Variants in MPP3 observed in about 807,000 individuals in gnomAD.
The protein encoded by MPP3 is MAGUK p55 subfamily member 3.
Under a neutral mutation model 80.7 loss-of-function variants are expected in MPP3, and 48 were observed. The observed-to-expected ratio is 0.59, with a 90% CI of 0.47 to 0.76. The LOEUF (loss-of-function observed/expected upper bound fraction) is 0.76, where lower values mean the gene tolerates loss of function less well. MPP3 is among the 30% of genes least tolerant of loss of function. The probability of loss-of-function intolerance (pLI) is 0.00; values close to 1 mark genes in which losing one functional copy is unlikely to be tolerated. For missense variants in MPP3, 620 were observed against 763.0 expected (o/e 0.81, Z 2.21); for synonymous variants, 311 against 297.6 (o/e 1.04, Z -0.46).
chr17:43,814,295 A>G lies in MPP3; in HGVS notation c.1076T>C (p.Met359Thr). The G allele has an allele frequency of 6.2e-7, 1 of 1,612,444 alleles. No individual in the cohort carries two copies. The highest frequency in any genetic ancestry group is 8.5e-7 in the Non-Finnish European group (1 of 1,179,962). ...ERLGGSQEGK[M>T]SSGAESPELL... ...CTCCGGAGACTCAGCTCCGGAGGACATCTTTCCTTCCTGCGAGCCACCCAG... is the reference window on the plus strand; with the variant it reads ...CTCCGGAGACTCAGCTCCGGAGGACGTCTTTCCTTCCTGCGAGCCACCCAG... Residue 359 changes from methionine to threonine, a missense_variant, in exon 15 of 20, where the codon ATG becomes ACG. Transcript: ENST00000398389.
chr17:43,801,858 ATC>A lies in MPP3; in HGVS notation c.1599_1600del (p.Glu533AspfsTer49). 1.2e-6 allele frequency: 2 copies of A among 1,612,978 alleles called. No individual in the cohort carries two copies. Among genetic ancestry groups the A allele is most frequent in the Non-Finnish European group, 1.7e-6 (2 of 1,179,682 alleles). Reference sequence around the variant, plus strand: ...GTCTATGAAGGCGGCAGAAGCGGCCATCTCTTGCTGCTGCTCATCCTGCAAGG... The same window carrying A: ...GTCTATGAAGGCGGCAGAAGCGGCCATCTTGCTGCTGCTCATCCTGCAAGG... On this transcript the variant is annotated frameshift_variant, in exon 20 of 20. Transcript: ENST00000398389. LOFTEE classifies it high-confidence loss of function.
chr17:43,809,159 G>A, intron 18 of MPP3, 81 bp from the exon 19 acceptor site: 1 of 1,422,130 alleles, frequency 7.0e-7, no homozygotes, highest in Non-Finnish European at 9.4e-7. Context: ...CAATAATCGT[G>A]TGCTTCAATA....
intron 19 of MPP3, among the ~76,000 whole-genome samples, chr17:43,803,047 G>A (rs1222949733): frequency 1.3e-5 from 2 of 152,114 alleles, no homozygotes; most frequent in South Asian, 2.1e-4. Flanking sequence ...GAAAAAATTC[G>A]ATTAAATTGG....
chr17:43,801,751 C>G lies in MPP3; in HGVS notation c.1708G>C (p.Glu570Gln). 3 of 1,614,146 alleles carry G rather than the reference C, an allele frequency of 1.9e-6. No individual in the cohort carries two copies. The highest frequency in any genetic ancestry group is 2.5e-6 in the Non-Finnish European group (3 of 1,180,012). ...GAYSQLKVVL[E>Q]KLSKDTHWVP... is the part of the protein sequence containing the mutation. ...CAGTGAGTGTCCTTGCTCAGCTTCT[C>G]TAAGACCACTTTGAGCTGGCTGTAG... The change falls in exon 20 of 20, where the codon GAG becomes CAG. Residue 570 changes from glutamate to glutamine, a missense_variant. By Grantham distance (29) the Glu-to-Gln change is conservative. Transcript: ENST00000398389.
chr17:43,802,934 G>A (rs570009040), intron 19 of MPP3, among the ~76,000 whole-genome samples: 31 of 152,142 alleles, frequency 2.0e-4, no homozygotes, highest in African/African-American at 7.0e-4. Flanking sequence ...TTCAGGATTC[G>A]AGTCCTCAAG....
At chr17:43,817,996 G>C in intron 12 of MPP3, 50 bp downstream of exon 12, 2 of 1,492,830 alleles carry the variant, frequency 1.3e-6, no homozygotes, top group Non-Finnish European at 1.8e-6. Flanking sequence ...ATCCTCCCTC[G>C]CCCTAACCCC....
chr17:43,826,440 G>T (rs921990757), intron 8 of MPP3, among the ~76,000 whole-genome samples: 9 of 152,196 alleles, frequency 5.9e-5, no homozygotes, highest in Non-Finnish European at 1.3e-4. Flanking sequence ...TGCTGAATCA[G>T]TCTGCATTTT....
intron 14 of MPP3, chr17:43,814,734 G>A (rs1360060751): frequency 5.7e-6 from 1 of 176,748 alleles, no homozygotes; most frequent in Non-Finnish European, 1.2e-5. Context: ...GACATGATGG[G>A]GACAATTGTT....
intron 19 of MPP3, among the ~76,000 whole-genome samples, chr17:43,807,799 AT>A (rs1288833864): frequency 6.6e-6 from 1 of 151,826 alleles, no homozygotes; most frequent in African/African-American, 2.4e-5. Flanking sequence ...CTATAAAAAA[AT>A]TTTTTTTAAT....
intron 16 of MPP3, 40 bp downstream of exon 16, chr17:43,813,971 G>A: frequency 6.8e-7 from 1 of 1,470,550 alleles, no homozygotes. Flanking sequence ...ATATTTGTGT[G>A]TGTGCAGACA....
intron 8 of MPP3, among the ~76,000 whole-genome samples, chr17:43,827,478 C>T (rs562398386): frequency 6.6e-6 from 1 of 152,148 alleles, no homozygotes; most frequent in East Asian, 1.9e-4. Context: ...TGGTCTGGAA[C>T]TCCTGGCTTC....
intron 18 of MPP3, among the ~76,000 whole-genome samples, chr17:43,810,576 C>T (rs1367393212): frequency 6.6e-6 from 1 of 152,160 alleles, no homozygotes; most frequent in African/African-American, 2.4e-5. Flanking sequence ...GTCTGTGGGC[C>T]ACCAGAGTGT....
Position 43,801,771 on chromosome 17 carries a change from C to G in MPP3, c.1688G>C (p.Ser563Thr). 6.2e-7 allele frequency: 1 copy of G among 1,614,126 alleles called. No homozygotes were observed. ...LVKEDLQGAY[S>T]QLKVVLEKLS... is the part of the protein sequence containing the mutation. ...CTTCTCTAAGACCACTTTGAGCTGG[C>G]TGTAGGCACCCTGGAGATCCTCCTT... Residue 563 changes from serine to threonine, a missense_variant, in exon 20 of 20, where the codon AGC (serine) becomes ACC (threonine). Coordinates refer to ENST00000398389, the MANE Select transcript of MPP3 (RefSeq NM_001932.6).
At chr17:43,822,843 T>C (rs2045530212) in intron 10 of MPP3, among the ~76,000 whole-genome samples, 1 of 152,124 alleles carries the variant, frequency 6.6e-6, no homozygotes, top group Non-Finnish European at 1.5e-5. Context: ...CTCTGGCCAC[T>C]GGAACCTACT....
At chr17:43,814,707 G>A (rs1247321502) in intron 14 of MPP3, 2 of 199,382 alleles carry the variant, frequency 1.0e-5, no homozygotes, top group Non-Finnish European at 2.0e-5. Flanking sequence ...CCTGGACCAA[G>A]GGAAAATGTC....
In MPP3 at chr17:43,801,480, T is replaced by C. The variant is rs930352783; in HGVS notation, c.*221A>G. ...CTTTAATAAATGAAATGTGTTGTTTTCTGATATGCCCCTTTCAAATCATGA... is the reference window on the plus strand; with the variant it reads ...CTTTAATAAATGAAATGTGTTGTTTCCTGATATGCCCCTTTCAAATCATGA... On this transcript the variant is annotated 3_prime_UTR_variant, in exon 20 of 20. Transcript: ENST00000398389. The C allele has an allele frequency of 1.1e-5, 6 of 524,032 alleles. No homozygotes were observed. Among genetic ancestry groups the C allele is most frequent in the Middle Eastern group, 1.0e-3 (2 of 2,010 alleles). 32.5% of individuals were successfully genotyped at this position (524,032 alleles called of 1,614,324 possible).
At chr17:43,807,754 G>A (rs1015863583) in intron 19 of MPP3, among the ~76,000 whole-genome samples, 7 of 151,970 alleles carry the variant, frequency 4.6e-5, no homozygotes, top group African/African-American at 1.7e-4. Flanking sequence ...CCAGGAGTTT[G>A]AGACCGGCCT....
chr17:43,820,339 G>A (rs1251558181), intron 11 of MPP3, among the ~76,000 whole-genome samples: 1 of 152,056 alleles, frequency 6.6e-6, no homozygotes, highest in Non-Finnish European at 1.5e-5. Flanking sequence ...AGTGGCTCAT[G>A]CCTGTAATCC....
At position 43,801,719 on chromosome 17, in the gene MPP3, A is replaced by G. The variant is rs749825244; in HGVS notation, c.1740T>C (p.Pro580=). 1 of 1,614,092 alleles carries G rather than the reference A, an allele frequency of 6.2e-7. No homozygotes were observed. The highest frequency in any genetic ancestry group is 8.5e-7 in the Non-Finnish European group (1 of 1,179,984). The stretch of plus-strand genomic sequence containing the variant: ...GATAAAGTTACCTGACCCAACTAAC[A>G]GGTACCCAGTGAGTGTCCTTGCTCA... The part of the protein sequence containing the change: ...EKLSKDTHWV[P]VSWVR The change falls in exon 20 of 20, where the codon CCT becomes CCC. Residue 580 remains proline (P), a synonymous_variant. Coordinates refer to ENST00000398389, the MANE Select transcript of MPP3 (RefSeq NM_001932.6).
Sources: gnomAD v4.1 joint callset for allele counts (sites outside exome capture counted in the v4.1 genomes callset) on GRCh38, gnomAD v4.1.1 for gene constraint, MANE v1.5 for transcripts, NCBI Gene and HGNC (gene_info 2026-07-23, HGNC 2026-07-21) for gene names.